The following MYH11 variants were observed in gnomAD, a reference collection of about 807,000 sequenced individuals.
MYH11 encodes myosin-11.
In MYH11, 80 loss-of-function variants were observed where a neutral mutation model predicts 246.6. The ratio of observed to expected loss-of-function variants is 0.32; its 90% CI spans 0.27 to 0.39. The LOEUF (loss-of-function observed/expected upper bound fraction) is 0.39, where lower values mean the gene tolerates loss of function less well. Ranked by LOEUF, MYH11 falls within the 10% of genes least tolerant of loss-of-function variation. The probability of loss-of-function intolerance (pLI) is 1.00; values close to 1 mark genes in which losing one functional copy is unlikely to be tolerated. For missense variants in MYH11, 2,158 were observed against 2,546.8 expected, an observed-to-expected ratio of 0.85 and a Z score of 3.29; for synonymous variants, 1,071 against 1,015.5, an observed-to-expected ratio of 1.05 and a Z score of -1.04.
At chr16:15,789,540 C>T (rs532444843) in intron 4 of MYH11, among the ~76,000 whole-genome samples, 1 of 151,960 alleles carries the variant, frequency 6.6e-6, no homozygotes, top group Non-Finnish European at 1.5e-5. Flanking sequence ...CACCAGGGCC[C>T]ATGTTCTGCC....
intron 7 of MYH11, 22 bp downstream of exon 7, chr16:15,778,758 C>T (rs766881394): frequency 6.2e-7 from 1 of 1,613,630 alleles, no homozygotes; most frequent in Non-Finnish European, 8.5e-7. Context: ...ACCCATTTGG[C>T]CCAGGCTCAG....
intron 1 of MYH11, among the ~76,000 whole-genome samples, chr16:15,847,096 C>T (rs189635329): frequency 5.9e-5 from 9 of 152,144 alleles, no homozygotes; most frequent in African/African-American, 4.8e-5. Context: ...TTCACCACCT[C>T]GGCCACTTAA....
intron 2 of MYH11, among the ~76,000 whole-genome samples, chr16:15,825,386 C>CAAAAAAAAA (rs1212947132): frequency 6.6e-5 from 4 of 60,992 alleles, no homozygotes; most frequent in Non-Finnish European, 1.2e-4. Context: ...CCCCTCTCTA[C>CAAAAAAAAA]AAAAAAAAAA....
At chr16:15,737,401 C>G (rs1445426939) in intron 25 of MYH11, 48 bp downstream of exon 25, 2 of 1,603,552 alleles carry the variant, frequency 1.2e-6, no homozygotes, top group African/African-American at 2.7e-5. Flanking sequence ...AGCAGGGGCC[C>G]AGGGGATACA....
chr16:15,793,137 T>A (rs966937786), intron 4 of MYH11, among the ~76,000 whole-genome samples: 2 of 152,172 alleles, frequency 1.3e-5, no homozygotes, highest in African/African-American at 4.8e-5. Flanking sequence ...CCTCTTACTT[T>A]AGCCCCCTGA....
rs1314387438 is a variant in MYH11 at position 15,717,237 on chromosome 16, C to G, written c.5407G>C (p.Glu1803Gln). The G allele has an allele frequency of 6.2e-7, 1 of 1,614,078 alleles. No homozygotes were observed. Among genetic ancestry groups the G allele is most frequent in the East Asian group, 2.2e-5 (1 of 44,898 alleles). Reference sequence around the variant, plus strand: ...TTGGACTTGACGGCCCCCTCCATCTCGTGGAGCTTGCTCCGGAGCTCCTTG... The same window carrying G: ...TTGGACTTGACGGCCCCCTCCATCTGGTGGAGCTTGCTCCGGAGCTCCTTG... ...QNKELRSKLH[E>Q]MEGAVKSKFK... Residue 1803 changes from glutamate (E) to glutamine (Q), a missense_variant, in exon 38 of 41, where the codon GAG becomes CAG. Transcript: ENST00000300036.
At chr16:15,830,173 C>T (rs2151373286) in intron 2 of MYH11, among the ~76,000 whole-genome samples, 1 of 151,020 alleles carries the variant, frequency 6.6e-6, no homozygotes, top group East Asian at 1.9e-4. Context: ...AGAGTGTTGG[C>T]TTTGCCTTAT....
chr16:15,763,741 T>TGGGGCCCCCCCCCCCCCC, intron 10 of MYH11, 55 bp downstream of exon 10: 3 of 646,840 alleles, frequency 4.6e-6, no homozygotes, highest in East Asian at 6.3e-5. Flanking sequence ...AAATGTCACC[T>TGGGGCCCCCCCCCCCCCC]CCCCCACCCC....
intron 4 of MYH11, among the ~76,000 whole-genome samples, chr16:15,788,794 ATATATGTGTGTGTGTG>A (rs1366539129): frequency 2.8e-5 from 3 of 107,722 alleles, no homozygotes; most frequent in Admixed American, 8.4e-5. Flanking sequence ...TAAGACCAGA[ATATATGTGTGTGTGTG>A]TGTGTGTGTG....
At chr16:15,759,533 A>C in intron 12 of MYH11, 43 bp downstream of exon 12, 1 of 1,613,990 alleles carries the variant, frequency 6.2e-7, no homozygotes, top group Non-Finnish European at 8.5e-7. Flanking sequence ...AGCCCATCTC[A>C]GACAACCAAG....
At chr16:15,749,012 C>T (rs774206187) in intron 16 of MYH11, among the ~76,000 whole-genome samples, 2 of 152,040 alleles carry the variant, frequency 1.3e-5, no homozygotes, top group Non-Finnish European at 2.9e-5. Flanking sequence ...AGGCCAAGCT[C>T]CAGAAAGAAC....
At chr16:15,787,384 G>T (rs768932036) in intron 4 of MYH11, among the ~76,000 whole-genome samples, 1 of 152,000 alleles carries the variant, frequency 6.6e-6, no homozygotes, top group Non-Finnish European at 1.5e-5. Flanking sequence ...CTCCAGCCTG[G>T]GTGACAGAGC....
At chr16:15,721,115 C>T in intron 32 of MYH11, 64 bp from the exon 33 acceptor site, 1 of 1,568,454 alleles carries the variant, frequency 6.4e-7, no homozygotes, top group Non-Finnish European at 8.7e-7. Flanking sequence ...TTGAGAAACC[C>T]ACCGTGAGCG....
chr16:15,706,005 A>AAAAAAAAAAAT (rs2039432164), intron 40 of MYH11, among the ~76,000 whole-genome samples: 1 of 149,574 alleles, frequency 6.7e-6, no homozygotes, highest in Non-Finnish European at 1.5e-5. Flanking sequence ...AAAAAAAAAA[A>AAAAAAAAAAAT]TCAAGGCCCA....
intron 30 of MYH11, 103 bp from the exon 31 acceptor site, chr16:15,724,512 A>T: frequency 6.2e-7 from 1 of 1,608,038 alleles, no homozygotes; most frequent in Non-Finnish European, 8.5e-7. Flanking sequence ...TCCTCGTTGG[A>T]GAAACCCAAT....
rs146388001 is a variant in MYH11, at chr16:15,732,653, G to A, written c.3562C>T (p.Arg1188Trp). The change falls in exon 27 of 41, where the codon CGG (arginine) becomes TGG (tryptophan). Residue 1188 changes from arginine to tryptophan, a missense_variant. By Grantham distance (101) the Arg-to-Trp change is moderately radical. This residue lies in a region of MYH11 where 34 missense variants were observed against 70.4 expected (regional missense o/e 0.48). Transcript: ENST00000300036. ...VLKKALDEETRSHEAQVQEMR... is the reference protein window; with the variant it reads ...VLKKALDEETWSHEAQVQEMR... ...TCCTGGACCTGAGCCTCATGGGACC[G>A]CGTCTCTTCATCCAGGGCCTTCTTC... 4.9e-5 allele frequency: 79 copies of A among 1,614,208 alleles called. No individual in the cohort carries two copies. The East Asian group carries it at 8.9e-4, about 18-fold the overall frequency.
intron 24 of MYH11, among the ~76,000 whole-genome samples, 194 bp from the exon 25 acceptor site, chr16:15,737,814 T>C (rs966832123): frequency 6.6e-6 from 1 of 152,130 alleles, no homozygotes; most frequent in Admixed American, 6.6e-5. Context: ...TTAGTTGAGA[T>C]GGAGTTTTGC....
chr16:15,855,929 C>T (rs2044455781), intron 1 of MYH11, among the ~76,000 whole-genome samples: 1 of 152,200 alleles, frequency 6.6e-6, no homozygotes, highest in African/African-American at 2.4e-5. Flanking sequence ...CCTTGGGTTT[C>T]TAAATATTTT....
At chr16:15,735,265 C>G in intron 26 of MYH11, 101 bp downstream of exon 26, 1 of 1,302,710 alleles carries the variant, frequency 7.7e-7, no homozygotes, top group Non-Finnish European at 1.1e-6. Context: ...GGTAAATGCA[C>G]AGGGGCTGAT....
Sources: allele counts gnomAD v4.1 joint callset (sites outside exome capture counted in the v4.1 genomes callset), GRCh38; gene constraint gnomAD v4.1.1; regional missense constraint gnomAD v4.1.1; transcripts MANE v1.5; gene names NCBI Gene and HGNC (gene_info 2026-07-23, HGNC 2026-07-21).